Variants in SEMA3E observed in about 807,000 individuals in gnomAD.
The protein encoded by SEMA3E is semaphorin-3E.
SEMA3E carries 49 observed loss-of-function variants against 93.6 expected under a neutral mutation model. The ratio of observed to expected loss-of-function variants is 0.52; its 90% CI spans 0.42 to 0.66. The LOEUF (loss-of-function observed/expected upper bound fraction) is 0.66. Ranked by LOEUF, SEMA3E falls within the 30% of genes least tolerant of loss-of-function variation. The probability of loss-of-function intolerance (pLI) is 0.00; values close to 1 mark genes in which losing one functional copy is unlikely to be tolerated. For synonymous variants in SEMA3E, 363 were observed against 330.7 expected (o/e 1.10, Z -1.06); for missense variants, 906 against 964.8 (o/e 0.94, Z 0.81).
In SEMA3E at chr7:83,367,280, C is replaced by A. The variant is rs2116891075; in HGVS notation, c.*306G>T. 3.4e-6 allele frequency: 1 copy of A among 292,652 alleles called. No individual in the cohort carries two copies. The highest frequency in any genetic ancestry group is 6.4e-6 in the Non-Finnish European group (1 of 155,696). The allele number at this position is 292,652 out of a possible 1,614,324, so 18.1% of individuals were successfully genotyped here. On this transcript the variant is annotated 3_prime_UTR_variant, in exon 17 of 17. Coordinates refer to ENST00000643230, the MANE Select transcript of SEMA3E (RefSeq NM_012431.3). ...TTCAATATTCTAATAATCTTGTCTT[C>A]CAAAAGTAAAATAATAATTTTCACA...
At chr7:83,628,747 G>A (rs1437599330) in intron 1 of SEMA3E, among the ~76,000 whole-genome samples, 1 of 151,878 alleles carries the variant, frequency 6.6e-6, no homozygotes, top group Non-Finnish European at 1.5e-5. Flanking sequence ...TTAACTCAGA[G>A]GAGTTTGTTA....
intron 4 of SEMA3E, among the ~76,000 whole-genome samples, chr7:83,431,071 A>C (rs113424824): frequency 8.1e-5 from 9 of 111,358 alleles, no homozygotes; most frequent in African/African-American, 3.1e-4. Context: ...TTTTCACTGC[A>C]TTGCCAAAAA....
intron 4 of SEMA3E, among the ~76,000 whole-genome samples, chr7:83,426,627 T>C (rs1788773471): frequency 6.6e-6 from 1 of 152,126 alleles, no homozygotes; most frequent in South Asian, 2.1e-4. Flanking sequence ...CCAGTACATA[T>C]ACACATGTAA....
intron 1 of SEMA3E, among the ~76,000 whole-genome samples, chr7:83,547,696 T>A (rs1791679823): frequency 6.6e-6 from 1 of 152,132 alleles, no homozygotes; most frequent in Non-Finnish European, 1.5e-5. Context: ...TGCCAAAACC[T>A]CTTGGTTGCT....
intron 1 of SEMA3E, among the ~76,000 whole-genome samples, chr7:83,539,861 G>C: frequency 7.7e-6 from 1 of 129,832 alleles, no homozygotes. Flanking sequence ...GTTTCTGTGT[G>C]TGTGTGTGTG....
chr7:83,534,551 A>T (rs1791374063), intron 1 of SEMA3E, among the ~76,000 whole-genome samples: 1 of 152,200 alleles, frequency 6.6e-6, no homozygotes. Context: ...TATAAAATTG[A>T]TTTCACACCC....
intron 4 of SEMA3E, among the ~76,000 whole-genome samples, chr7:83,432,558 G>A (rs942144675): frequency 1.3e-5 from 2 of 152,212 alleles, no homozygotes; most frequent in South Asian, 2.1e-4. Flanking sequence ...ACAATGCATT[G>A]TCATTTTACT....
intron 4 of SEMA3E, among the ~76,000 whole-genome samples, chr7:83,451,562 G>C (rs544728499): frequency 2.8e-3 from 426 of 152,246 alleles, no homozygotes; most frequent in Middle Eastern, 0.014. Flanking sequence ...TCTAGTACTT[G>C]AGTAGCAAAT....
At chr7:83,462,662 C>T (rs111356086) in intron 4 of SEMA3E, among the ~76,000 whole-genome samples, 2,411 of 151,788 alleles carry the variant, frequency 0.016, 65 homozygotes, top group African/African-American at 0.055. Flanking sequence ...TCCCATCCCG[C>T]AGCACGCTTT....
intron 1 of SEMA3E, among the ~76,000 whole-genome samples, chr7:83,534,202 T>C (rs914064677): frequency 2.6e-5 from 4 of 152,122 alleles, no homozygotes; most frequent in African/African-American, 4.8e-5. Flanking sequence ...ACAAAATAAA[T>C]ACTGATATTT....
In SEMA3E at chr7:83,408,400, C is replaced by T. The variant is rs1017885119; in HGVS notation, c.638G>A (p.Arg213His). Residue 213 changes from arginine to histidine, a missense_variant, in exon 6 of 17, where the codon CGC becomes CAC. By Grantham distance (29) the Arg-to-His change is conservative. Transcript: ENST00000643230. Reference protein sequence around the residue: ...FRSMGRLAHIRTEHDDERLLK... With the variant: ...FRSMGRLAHIHTEHDDERLLK... The stretch of plus-strand genomic sequence containing the variant: ...CAGACGCTCATCGTCATGCTCAGTG[C>T]GGATATGGGCCAGTCGCCCCATGCT... 4.3e-6 allele frequency: 7 copies of T among 1,613,652 alleles called. No individual in the cohort carries two copies. The highest frequency in any genetic ancestry group is 1.7e-5 in the Admixed American group (1 of 59,896).
chr7:83,451,864 T>C (rs1789367465), intron 4 of SEMA3E, among the ~76,000 whole-genome samples: 1 of 152,180 alleles, frequency 6.6e-6, no homozygotes, highest in Non-Finnish European at 1.5e-5. Context: ...TTGGGCGTAT[T>C]GCTGCCAGTT....
At chr7:83,370,532 C>T (rs1794736191) in intron 16 of SEMA3E, among the ~76,000 whole-genome samples, 2 of 152,144 alleles carry the variant, frequency 1.3e-5, no homozygotes, top group Admixed American at 1.3e-4. Flanking sequence ...TATCTCATGA[C>T]AAACTCTCCA....
At chr7:83,584,311 A>G (rs1311193267) in intron 1 of SEMA3E, among the ~76,000 whole-genome samples, 1 of 152,128 alleles carries the variant, frequency 6.6e-6, no homozygotes, top group East Asian at 1.9e-4. Flanking sequence ...AATGCCAAAG[A>G]CCAGACTCAA....
At chr7:83,521,294 A>G (rs1380166690) in intron 1 of SEMA3E, among the ~76,000 whole-genome samples, 2 of 152,078 alleles carry the variant, frequency 1.3e-5, no homozygotes, top group Admixed American at 6.6e-5. Context: ...TTGAGGTTCA[A>G]CCTGGAAAGT....
At chr7:83,644,189 C>T (rs1219162134) in intron 1 of SEMA3E, among the ~76,000 whole-genome samples, 8 of 97,136 alleles carry the variant, frequency 8.2e-5, no homozygotes, top group Admixed American at 8.0e-4. Flanking sequence ...GATATGTGTA[C>T]ACTACAGCAA....
At chr7:83,480,079 A>C (rs1473848232) in intron 2 of SEMA3E, among the ~76,000 whole-genome samples, 1 of 152,216 alleles carries the variant, frequency 6.6e-6, no homozygotes, top group African/African-American at 2.4e-5. Flanking sequence ...TAATATTCAG[A>C]GGAATTTTAT....
intron 1 of SEMA3E, among the ~76,000 whole-genome samples, chr7:83,539,452 C>G (rs28435711): frequency 6.6e-6 from 1 of 151,982 alleles, no homozygotes; most frequent in African/African-American, 2.4e-5. Flanking sequence ...CTATGTAGAG[C>G]GCCAATTTGT....
chr7:83,505,804 A>AG lies in SEMA3E; in HGVS notation c.116-15531dup, dbSNP rs535690671. On this transcript the variant is annotated intron_variant, in intron 1 of 16. Transcript: ENST00000643230. ...GCCAAGGGGGGCAGATCACAAGGTC[A>AG]GGAGATCGAGAACATCCTGGCTAAC... is the stretch of plus-strand genomic sequence containing the variant. Among the ~76,000 whole-genome samples, 31 of 152,052 alleles carry AG rather than the reference A, an allele frequency of 2.0e-4. No homozygotes were observed. The East Asian group carries it at 5.6e-3, about 28-fold the overall frequency.
Sources: allele counts gnomAD v4.1 joint callset (sites outside exome capture counted in the v4.1 genomes callset), GRCh38; gene constraint gnomAD v4.1.1; transcripts MANE v1.5; gene names NCBI Gene and HGNC (gene_info 2026-07-23, HGNC 2026-07-21).